The following KCNMB2 variants were observed in gnomAD, a reference collection of about 807,000 sequenced individuals.
The protein encoded by KCNMB2 is calcium-activated potassium channel subunit beta-2.
Under a neutral mutation model 24.5 loss-of-function variants are expected in KCNMB2, and 9 were observed. The observed-to-expected ratio is 0.37, with a 90% CI of 0.22 to 0.64. KCNMB2 has a LOEUF of 0.64. Among genes scored for constraint, KCNMB2 ranks in the 30% least tolerant of loss-of-function variants. The probability of loss-of-function intolerance (pLI) is 0.63; values close to 1 mark genes in which losing one functional copy is unlikely to be tolerated. For missense variants in KCNMB2, 226 were observed against 284.3 expected (o/e 0.79, Z 1.47); for synonymous variants, 109 against 104.4 (o/e 1.04, Z -0.27).
intron 1 of KCNMB2, among the ~76,000 whole-genome samples, chr3:178,755,443 A>C (rs1300444088): frequency 2.6e-5 from 4 of 152,220 alleles, no homozygotes; most frequent in Non-Finnish European, 5.9e-5. Context: ...AGAGTAGGAA[A>C]ATGTATTTTA....
chr3:178,749,229 T>C (rs922640687), intron 1 of KCNMB2: 1 of 152,212 alleles, frequency 6.6e-6, no homozygotes, highest in African/African-American at 2.4e-5. Flanking sequence ...ATGCATATAT[T>C]AGAATGCCTG....
intron 1 of KCNMB2, among the ~76,000 whole-genome samples, chr3:178,675,045 A>G (rs1215912942): frequency 6.6e-6 from 1 of 152,224 alleles, no homozygotes; most frequent in Non-Finnish European, 1.5e-5. Flanking sequence ...AAGCTTCACA[A>G]GGACAGAAAT....
chr3:178,767,084 C>T (rs1027494331), intron 1 of KCNMB2, among the ~76,000 whole-genome samples: 3 of 152,192 alleles, frequency 2.0e-5, no homozygotes, highest in Admixed American at 6.5e-5. Flanking sequence ...ACTAAATATC[C>T]TACAATGCAC....
At chr3:178,738,756 C>T (rs969221285) in intron 1 of KCNMB2, among the ~76,000 whole-genome samples, 1 of 152,106 alleles carries the variant, frequency 6.6e-6, no homozygotes, top group Non-Finnish European at 1.5e-5. Flanking sequence ...CCCATTAGGC[C>T]CTCACAGTAC....
At chr3:178,834,393 G>A (rs1715150495) in intron 4 of KCNMB2, among the ~76,000 whole-genome samples, 1 of 152,112 alleles carries the variant, frequency 6.6e-6, no homozygotes. Flanking sequence ...GCATCCCCTT[G>A]AGAGAATAAA....
chr3:178,589,638 C>T lies in KCNMB2; in HGVS notation c.-68+52927C>T, dbSNP rs909624646. Among the ~76,000 whole-genome samples the T allele has an allele frequency of 3.3e-5, 5 of 152,252 alleles. No homozygotes were observed. The South Asian group carries it at 8.3e-4, about 25-fold the overall frequency. Reference sequence around the variant, plus strand: ...GGACTACAAGTGTGTGCCACCACACCTGACAAATTTTAAAATATTTTTGTA... The same window carrying T: ...GGACTACAAGTGTGTGCCACCACACTTGACAAATTTTAAAATATTTTTGTA... On this transcript the variant is annotated intron_variant, in intron 1 of 4. Coordinates refer to ENST00000452583, the MANE Select transcript of KCNMB2 (RefSeq NM_181361.3).
At chr3:178,788,679 T>C (rs907105120) in intron 1 of KCNMB2, among the ~76,000 whole-genome samples, 16 of 152,208 alleles carry the variant, frequency 1.1e-4, no homozygotes, top group African/African-American at 3.9e-4. Context: ...GATTGCAACC[T>C]GAATCTAATT....
Position 178,590,013 on chromosome 3 carries a change from A to G in KCNMB2, c.-68+53302A>G, listed in dbSNP as rs74913292. On this transcript the variant is annotated intron_variant, in intron 1 of 4. Transcript: ENST00000452583. The stretch of plus-strand genomic sequence containing the variant: ...CTACTGTGTAAGACGAAATCAAGTC[A>G]GATCTATATCCATAACAATACACTT... 3.2e-3 allele frequency among the ~76,000 whole-genome samples: 485 copies of G among 152,332 alleles called. 1 individual carries two copies. The highest frequency in any genetic ancestry group is 0.011 in the African/African-American group (459 of 41,578).
chr3:178,693,895 T>TTAGTAGAC (rs1721773700), intron 1 of KCNMB2, among the ~76,000 whole-genome samples: 1 of 151,266 alleles, frequency 6.6e-6, no homozygotes, highest in Non-Finnish European at 1.5e-5. Flanking sequence ...TCTTTTTCTT[T>TTAGTAGAC]TTTTTTTTTA....
intron 1 of KCNMB2, among the ~76,000 whole-genome samples, chr3:178,661,038 G>C (rs1169994163): frequency 6.6e-6 from 1 of 151,892 alleles, no homozygotes; most frequent in Non-Finnish European, 1.5e-5. Context: ...CGCAGAACGT[G>C]CAGATTTGTT....
chr3:178,611,357 C>CT (rs1375856260), intron 1 of KCNMB2, among the ~76,000 whole-genome samples: 1 of 151,772 alleles, frequency 6.6e-6, no homozygotes, highest in Admixed American at 6.6e-5. Flanking sequence ...GAACCTCTCT[C>CT]TTTTTTTCTT....
intron 1 of KCNMB2, among the ~76,000 whole-genome samples, chr3:178,688,536 A>C (rs894519427): frequency 6.6e-6 from 1 of 152,184 alleles, no homozygotes; most frequent in East Asian, 1.9e-4. Context: ...AAGACTCCAT[A>C]ACAATGCTTT....
intron 1 of KCNMB2, among the ~76,000 whole-genome samples, chr3:178,728,516 C>T (rs1300041259): frequency 1.3e-5 from 2 of 152,102 alleles, no homozygotes; most frequent in Non-Finnish European, 2.9e-5. Flanking sequence ...TTATGAATCA[C>T]GTGAGCGCTG....
intron 2 of KCNMB2, among the ~76,000 whole-genome samples, chr3:178,811,608 G>A (rs1009217473): frequency 1.3e-5 from 2 of 152,098 alleles, no homozygotes; most frequent in African/African-American, 2.4e-5. Flanking sequence ...TATTCATCCA[G>A]TCTACTGCTG....
chr3:178,816,668 CT>C (rs1377709338), intron 2 of KCNMB2, among the ~76,000 whole-genome samples: 27 of 152,046 alleles, frequency 1.8e-4, no homozygotes, highest in Non-Finnish European at 1.0e-4. Flanking sequence ...ACTAATTGTT[CT>C]AGAGTGTTTT....
chr3:178,621,310 T>A (rs1718912489), intron 1 of KCNMB2, among the ~76,000 whole-genome samples: 1 of 151,978 alleles, frequency 6.6e-6, no homozygotes, highest in African/African-American at 2.4e-5. Flanking sequence ...TCTGGCCTTT[T>A]CTCTGTTTCT....
At chr3:178,819,892 A>T (rs1215648907) in intron 2 of KCNMB2, among the ~76,000 whole-genome samples, 2 of 152,166 alleles carry the variant, frequency 1.3e-5, no homozygotes, top group Non-Finnish European at 2.9e-5. Context: ...TATATTCACA[A>T]ACGTATTCAA....
At position 178,789,931 on chromosome 3, in the gene KCNMB2, T is replaced by A. The variant is rs80237765; in HGVS notation, c.-67-17412T>A. ...CCAGGGAGACACCATCCGGGGCAAC[T>A]AAGGGAGTACTTGTGTCACCCCTCC... On this transcript the variant is annotated intron_variant, in intron 1 of 4. Coordinates refer to ENST00000452583, the MANE Select transcript of KCNMB2 (RefSeq NM_181361.3). 7.9e-5 allele frequency among the ~76,000 whole-genome samples: 12 copies of A among 151,876 alleles called. No homozygotes were observed. The East Asian group carries it at 2.3e-3, about 30-fold the overall frequency.
intron 2 of KCNMB2, among the ~76,000 whole-genome samples, chr3:178,817,807 C>T (rs952098189): frequency 2.6e-5 from 4 of 152,166 alleles, no homozygotes; most frequent in African/African-American, 9.7e-5. Context: ...CATTCAGCCT[C>T]CCTATAACTG....
Sources: gnomAD v4.1 joint callset for allele counts (sites outside exome capture counted in the v4.1 genomes callset) on GRCh38, gnomAD v4.1.1 for gene constraint, MANE v1.5 for transcripts, NCBI Gene and HGNC (gene_info 2026-07-23, HGNC 2026-07-21) for gene names.